NTAQ1: variants seen among roughly 807,000 people sequenced by gnomAD.
NTAQ1 encodes the protein N-terminal glutamine amidase 1.
In NTAQ1, 21 loss-of-function variants were observed where a neutral mutation model predicts 28.2. The observed-to-expected ratio is 0.74, with a 90% CI of 0.53 to 1.07. The LOEUF (loss-of-function observed/expected upper bound fraction) is 1.07, where lower values mean the gene tolerates loss of function less well. Ranked by LOEUF, NTAQ1 falls within the 50% of genes least tolerant of loss-of-function variation. The probability of loss-of-function intolerance (pLI) is 0.00; values close to 1 mark genes in which losing one functional copy is unlikely to be tolerated. For synonymous variants in NTAQ1, 105 were observed against 90.0 expected, an observed-to-expected ratio of 1.17 and a Z score of -0.94; for missense variants, 264 against 256.6, an observed-to-expected ratio of 1.03 and a Z score of -0.20.
At chr8:123,449,295 A>G (rs766050914), downstream of NTAQ1, among the ~76,000 whole-genome samples, 19 of 152,180 alleles carry the variant, frequency 1.2e-4, no homozygotes, top group Non-Finnish European at 2.4e-4. Context: ...TCCCTTTTTC[A>G]TCAGGATTTG....
downstream of NTAQ1, among the ~76,000 whole-genome samples, chr8:123,470,630 A>C (rs1816031823): frequency 6.6e-6 from 1 of 152,216 alleles, no homozygotes; most frequent in African/African-American, 2.4e-5. Context: ...TAAGTGTCCT[A>C]GTGCTGTGCA....
chr8:123,425,387 C>T (rs768531499), intron 1 of NTAQ1, among the ~76,000 whole-genome samples: 19 of 151,946 alleles, frequency 1.3e-4, no homozygotes, highest in Admixed American at 2.0e-4. Flanking sequence ...CCACCATGCC[C>T]GGCCCAGTCA....
chr8:123,416,769 G>T, upstream of NTAQ1: 1 of 1,313,778 alleles, frequency 7.6e-7, no homozygotes. Flanking sequence ...GAACCCACGC[G>T]GGCCACTACA....
At chr8:123,423,799 C>T (rs939915326) in intron 1 of NTAQ1, among the ~76,000 whole-genome samples, 1 of 151,954 alleles carries the variant, frequency 6.6e-6, no homozygotes, top group Non-Finnish European at 1.5e-5. Context: ...AGTGTATGTT[C>T]AAGCCACATT....
At chr8:123,436,388 G>C in intron 3 of NTAQ1, 65 bp from the exon 4 acceptor site, 1 of 1,530,432 alleles carries the variant, frequency 6.5e-7, no homozygotes, top group East Asian at 2.3e-5. Flanking sequence ...TAAGGTATGT[G>C]TCTGAATACT....
intron 5 of NTAQ1, among the ~76,000 whole-genome samples, chr8:123,440,549 G>A (rs1563895929): frequency 6.6e-6 from 1 of 150,954 alleles, no homozygotes; most frequent in Non-Finnish European, 1.5e-5. Context: ...GCCCAGGCTG[G>A]AGTGAAGTGG....
chr8:123,433,888 T>G (rs1379560732), intron 3 of NTAQ1, among the ~76,000 whole-genome samples: 1 of 151,804 alleles, frequency 6.6e-6, no homozygotes, highest in African/African-American at 2.4e-5. Flanking sequence ...AACACAAATT[T>G]GTAAACTTTC....
At chr8:123,458,398 T>C (rs1388230018) in intron 6 of NTAQ1, among the ~76,000 whole-genome samples, 2 of 152,076 alleles carry the variant, frequency 1.3e-5, no homozygotes, top group Non-Finnish European at 2.9e-5. Flanking sequence ...AACCCTTTGA[T>C]TGGGCTGCTG....
intron 6 of NTAQ1, among the ~76,000 whole-genome samples, chr8:123,459,241 GTC>G (rs1218743929): frequency 1.3e-5 from 2 of 150,998 alleles, no homozygotes; most frequent in African/African-American, 4.9e-5. Flanking sequence ...GTGAGATCCT[GTC>G]TCAAAAAAAA....
At chr8:123,442,882 G>C (rs1205822634), downstream of NTAQ1, among the ~76,000 whole-genome samples, 1 of 151,478 alleles carries the variant, frequency 6.6e-6, no homozygotes, top group Non-Finnish European at 1.5e-5. Context: ...TGGCCAGGCT[G>C]GTCTTGAACT....
At chr8:123,459,547 G>A (rs1815755839) in intron 6 of NTAQ1, among the ~76,000 whole-genome samples, 1 of 152,086 alleles carries the variant, frequency 6.6e-6, no homozygotes, top group South Asian at 2.1e-4. Context: ...CCCCTGTCCA[G>A]GAGCTCACCA....
downstream of NTAQ1, among the ~76,000 whole-genome samples, chr8:123,451,400 G>A (rs571775876): frequency 5.3e-5 from 8 of 152,200 alleles, no homozygotes; most frequent in African/African-American, 1.4e-4. Flanking sequence ...GTGCAGTGGC[G>A]TGATCTTGAC....
chr8:123,437,643 C>G (rs1814799420), intron 5 of NTAQ1, among the ~76,000 whole-genome samples: 1 of 150,154 alleles, frequency 6.7e-6, no homozygotes, highest in South Asian at 2.1e-4. Flanking sequence ...GCAGAGCTTG[C>G]AGTGAGCTGA....
chr8:123,458,653 G>A (rs990107806), intron 6 of NTAQ1, among the ~76,000 whole-genome samples: 15 of 150,128 alleles, frequency 1.0e-4, no homozygotes, highest in African/African-American at 2.2e-4. Flanking sequence ...TCGGAGTCTC[G>A]TTCTGTTGCC....
downstream of NTAQ1, among the ~76,000 whole-genome samples, chr8:123,445,568 C>T (rs547180599): frequency 6.6e-6 from 1 of 151,806 alleles, no homozygotes; most frequent in African/African-American, 2.4e-5. Flanking sequence ...GTTTATGTGT[C>T]TTCATAAAAA....
At chr8:123,421,694 CTT>C (rs71310678) in intron 1 of NTAQ1, among the ~76,000 whole-genome samples, 2 of 135,836 alleles carry the variant, frequency 1.5e-5, no homozygotes, top group Non-Finnish European at 1.6e-5. Flanking sequence ...TTTTTCTTTT[CTT>C]TTTTTTTTTT....
chr8:123,430,029 T>G lies in NTAQ1; in HGVS notation c.230T>G (p.Ile77Ser), dbSNP rs1274425051. Reference protein sequence around the residue: ...QQARPGDGPVIWDYHVVLLHV... With the variant: ...QQARPGDGPVSWDYHVVLLHV... ...GCGAGACCTGGAGATGGACCTGTGA[T>G]CTGGGTAAGACAGTTAATACAGAGA... Residue 77 changes from isoleucine (I) to serine (S), a missense_variant, in exon 3 of 6, where the codon ATC becomes AGC. Physicochemically the swap from Ile to Ser is moderately radical, Grantham distance 142. Transcript: ENST00000287387. 1.2e-6 allele frequency: 2 copies of G among 1,613,080 alleles called. No homozygotes were observed. The highest frequency in any genetic ancestry group is 1.7e-6 in the Non-Finnish European group (2 of 1,179,234).
At chr8:123,430,082 C>T (rs757161634) in intron 3 of NTAQ1, 49 bp downstream of exon 3, 41 of 1,456,332 alleles carry the variant, frequency 2.8e-5, no homozygotes, top group Non-Finnish European at 3.5e-5. Flanking sequence ...CTTGTAACCC[C>T]TTAGTGTTCT....
intron 1 of NTAQ1, among the ~76,000 whole-genome samples, chr8:123,420,091 A>G (rs4871370): frequency 0.66 from 100,029 of 151,598 alleles, 33,706 homozygotes; most frequent in East Asian, 0.93. Context: ...AGTAGGCCCC[A>G]TGTCTACTGT....
Sources: allele counts gnomAD v4.1 joint callset (sites outside exome capture counted in the v4.1 genomes callset), GRCh38; gene constraint gnomAD v4.1.1; transcripts MANE v1.5; gene names NCBI Gene and HGNC (gene_info 2026-07-23, HGNC 2026-07-21).